WIPF1: variants seen among roughly 807,000 people sequenced by gnomAD.
The protein encoded by WIPF1 is WAS/WASL-interacting protein family member 1.
Under a neutral mutation model 35.4 loss-of-function variants are expected in WIPF1, and 13 were observed. The ratio of observed to expected loss-of-function variants is 0.37; its 90% confidence interval spans 0.24 to 0.58. The LOEUF is 0.58. WIPF1 is among the 20% of genes least tolerant of loss of function. The probability of loss-of-function intolerance (pLI) is 0.74; values close to 1 mark genes in which losing one functional copy is unlikely to be tolerated. For missense variants in WIPF1, 591 were observed against 667.0 expected (o/e 0.89, Z 1.25); for synonymous variants, 267 against 266.3 (o/e 1.00, Z -0.02).
chr2:174,604,253 C>T (rs138967281), intron 1 of WIPF1, among the ~76,000 whole-genome samples: 1 of 152,322 alleles, frequency 6.6e-6, no homozygotes, highest in East Asian at 1.9e-4. Flanking sequence ...CAATAAAAAA[C>T]TGTGACATGC....
At chr2:174,605,295 T>C (rs769710515) in intron 1 of WIPF1, among the ~76,000 whole-genome samples, 19 of 151,900 alleles carry the variant, frequency 1.3e-4, no homozygotes, top group Non-Finnish European at 2.6e-4. Flanking sequence ...TAGCTGGGCG[T>C]GGTGGGGTGG....
intron 1 of WIPF1, among the ~76,000 whole-genome samples, chr2:174,624,466 G>GA (rs1686767810): frequency 1.3e-5 from 2 of 152,158 alleles, no homozygotes; most frequent in Non-Finnish European, 2.9e-5. Flanking sequence ...CCCTATCAGA[G>GA]AACCAGTGAA....
chr2:174,649,076 G>A (rs1314401559), intron 1 of WIPF1, among the ~76,000 whole-genome samples: 3 of 152,148 alleles, frequency 2.0e-5, no homozygotes, highest in Admixed American at 2.0e-4. Flanking sequence ...ACTCCTCATA[G>A]TGAACGTGCC....
chr2:174,615,699 C>A (rs966421594), intron 1 of WIPF1, among the ~76,000 whole-genome samples: 6 of 152,088 alleles, frequency 3.9e-5, no homozygotes, highest in Admixed American at 3.3e-4. Flanking sequence ...GACCCAAGAG[C>A]CTGGAAGTAT....
chr2:174,608,180 C>T (rs1686233067), intron 1 of WIPF1, among the ~76,000 whole-genome samples: 2 of 152,074 alleles, frequency 1.3e-5, no homozygotes, highest in African/African-American at 2.4e-5. Context: ...AGATGACTGA[C>T]TTGGAAAAGA....
rs116693127 is a variant in WIPF1, at chr2:174,659,258, G to A, written c.-39+23516C>T. On this transcript the variant is annotated intron_variant, in intron 1 of 8. Transcript: ENST00000272746. ...TGAGTAGCAAGGACTACAGACATGA[G>A]CCACCACACTCAGCTCTCAACAGCT... 5.8e-3 allele frequency among the ~76,000 whole-genome samples: 882 copies of A among 152,234 alleles called. 10 individuals are homozygous for A. Among genetic ancestry groups the A allele is most frequent in the African/African-American group, 0.02 (849 of 41,530 alleles).
chr2:174,632,555 CAATAT>C (rs1687055556), intron 1 of WIPF1, among the ~76,000 whole-genome samples: 1 of 151,536 alleles, frequency 6.6e-6, no homozygotes, highest in African/African-American at 2.4e-5. Flanking sequence ...ACTAAAAATA[CAATAT>C]TAGCCACGTG....
At chr2:174,581,161 C>T (rs1430669571) in intron 3 of WIPF1, 149 bp downstream of exon 3, 2 of 1,119,886 alleles carry the variant, frequency 1.8e-6, no homozygotes, top group Admixed American at 4.9e-5. Flanking sequence ...CTGCGGCCTA[C>T]AGGGAGTGAT....
intron 4 of WIPF1, among the ~76,000 whole-genome samples, chr2:174,572,978 GA>G (rs1479619043): frequency 4.6e-5 from 7 of 152,080 alleles, no homozygotes; most frequent in African/African-American, 1.7e-4. Context: ...ACTGTAAGGG[GA>G]AATTATAAGA....
At chr2:174,614,192 T>C (rs926853705) in intron 1 of WIPF1, among the ~76,000 whole-genome samples, 1 of 152,234 alleles carries the variant, frequency 6.6e-6, no homozygotes, top group Non-Finnish European at 1.5e-5. Flanking sequence ...CTTGTTTTCA[T>C]TTCACCTGGA....
At chr2:174,610,046 C>T (rs1409650331) in intron 1 of WIPF1, among the ~76,000 whole-genome samples, 1 of 152,228 alleles carries the variant, frequency 6.6e-6, no homozygotes, top group African/African-American at 2.4e-5. Flanking sequence ...TCCCTCCTCT[C>T]ATTCAGCTTC....
chr2:174,681,042 G>A (rs12104544), intron 1 of WIPF1, among the ~76,000 whole-genome samples: 6,154 of 152,278 alleles, frequency 0.04, 424 homozygotes, highest in African/African-American at 0.14. Flanking sequence ...CCCCCCAGGA[G>A]GAAAGTCTCA....
chr2:174,659,363 G>T (rs1687710457), intron 1 of WIPF1, among the ~76,000 whole-genome samples: 1 of 152,200 alleles, frequency 6.6e-6, no homozygotes. Flanking sequence ...TCAAGGAGAA[G>T]CATTATTTAA....
intron 1 of WIPF1, among the ~76,000 whole-genome samples, chr2:174,586,122 G>A (rs1245304715): frequency 2.0e-5 from 3 of 152,186 alleles, no homozygotes; most frequent in Admixed American, 6.5e-5. Context: ...CGCCCTCAAA[G>A]TTCCTAGTCC....
intron 1 of WIPF1, 108 bp from the exon 2 acceptor site, chr2:174,585,719 A>C: frequency 2.6e-6 from 2 of 769,694 alleles, no homozygotes; most frequent in Non-Finnish European, 4.3e-6. Flanking sequence ...CTCAACTCTT[A>C]GAAGAGATGG....
chr2:174,641,941 T>C (rs1162375786), intron 1 of WIPF1, among the ~76,000 whole-genome samples: 1 of 152,228 alleles, frequency 6.6e-6, no homozygotes, highest in Non-Finnish European at 1.5e-5. Context: ...CAGAGTCTCT[T>C]GATAAGTCTG....
At chr2:174,670,546 T>A (rs1038021762) in intron 1 of WIPF1, among the ~76,000 whole-genome samples, 2 of 152,178 alleles carry the variant, frequency 1.3e-5, no homozygotes, top group African/African-American at 4.8e-5. Flanking sequence ...CATTGACCAG[T>A]GTGTTGGTCC....
At chr2:174,629,703 A>T (rs545661258) in intron 1 of WIPF1, 2 of 152,422 alleles carry the variant, frequency 1.3e-5, no homozygotes, top group Admixed American at 1.3e-4. Flanking sequence ...CGGAGGTGGA[A>T]CAGCAGTTCT....
chr2:174,620,444 C>T (rs1470982044), intron 1 of WIPF1, among the ~76,000 whole-genome samples: 1 of 152,226 alleles, frequency 6.6e-6, no homozygotes, highest in Non-Finnish European at 1.5e-5. Flanking sequence ...TTGTTCTAAA[C>T]TCTATTTTAT....
Sources: gnomAD v4.1 joint callset for allele counts (sites outside exome capture counted in the v4.1 genomes callset) on GRCh38, gnomAD v4.1.1 for gene constraint, MANE v1.5 for transcripts, NCBI Gene and HGNC (gene_info 2026-07-23, HGNC 2026-07-21) for gene names.